PLSCR2: variants seen among roughly 807,000 people sequenced by gnomAD.
PLSCR2 encodes the protein PL scramblase 2.
Under a neutral mutation model 25.3 loss-of-function variants are expected in PLSCR2, and 18 were observed. That is an observed-to-expected ratio of 0.71 (90% CI 0.49 to 1.06). PLSCR2 has a LOEUF of 1.06. Ranked by LOEUF, PLSCR2 falls within the 50% of genes least tolerant of loss-of-function variation. PLSCR2 has a pLI of 0.00. For synonymous variants in PLSCR2, 88 were observed against 87.3 expected, an observed-to-expected ratio of 1.01 and a Z score of -0.04; for missense variants, 243 against 269.5, an observed-to-expected ratio of 0.90 and a Z score of 0.69.
At chr3:146,440,007 C>T (rs2040136689), downstream of PLSCR2, among the ~76,000 whole-genome samples, 1 of 152,164 alleles carries the variant, frequency 6.6e-6, no homozygotes, top group South Asian at 2.1e-4. Context: ...AGGACCTTTA[C>T]CTGCAGGTCT....
chr3:146,397,952 A>G (rs951510216), intron 2 of PLSCR2, among the ~76,000 whole-genome samples: 1 of 152,098 alleles, frequency 6.6e-6, no homozygotes, highest in Non-Finnish European at 1.5e-5. Context: ...ATGAATTGAC[A>G]TAATTCTAAG....
intron 1 of PLSCR2, among the ~76,000 whole-genome samples, chr3:146,473,489 A>G (rs1272360463): frequency 6.6e-6 from 1 of 152,052 alleles, no homozygotes; most frequent in Non-Finnish European, 1.5e-5. Flanking sequence ...TATTTTTAGT[A>G]GAGATGGGGT....
At chr3:146,440,091 A>G (rs1322056462), downstream of PLSCR2, among the ~76,000 whole-genome samples, 1 of 152,146 alleles carries the variant, frequency 6.6e-6, no homozygotes, top group African/African-American at 2.4e-5. Context: ...AGAACAGCAA[A>G]TATTGCAGAA....
intron 2 of PLSCR2, among the ~76,000 whole-genome samples, chr3:146,418,001 G>A (rs1226555525): frequency 6.6e-6 from 1 of 151,942 alleles, no homozygotes; most frequent in Non-Finnish European, 1.5e-5. Flanking sequence ...CTCTTTTCTA[G>A]TTTTACCTTC....
Position 146,457,781 on chromosome 3 carries a change from C to A in PLSCR2, c.100+630G>T, listed in dbSNP as rs775373973. On this transcript the variant is annotated intron_variant, in intron 3 of 6. Transcript: ENST00000610787. ...TAGAAGTCAGGTAAAGTGAGTGAATCCCTTAATGTTATTTGCAAAAGAGAG... is the reference window on the plus strand; with the variant it reads ...TAGAAGTCAGGTAAAGTGAGTGAATACCTTAATGTTATTTGCAAAAGAGAG... Among the ~76,000 whole-genome samples the A allele has an allele frequency of 3.9e-5, 6 of 152,290 alleles. 1 individual carries two copies. The highest frequency in any genetic ancestry group is 6.8e-3 in the Middle Eastern group (2 of 294).
chr3:146,486,349 A>C (rs559226569), intron 1 of PLSCR2, among the ~76,000 whole-genome samples: 1 of 151,660 alleles, frequency 6.6e-6, no homozygotes, highest in South Asian at 2.1e-4. Flanking sequence ...GAGACATGAA[A>C]AACCCTTCAA....
intron 5 of PLSCR2, among the ~76,000 whole-genome samples, chr3:146,450,276 C>T (rs2040818599): frequency 6.6e-6 from 1 of 152,212 alleles, no homozygotes; most frequent in Admixed American, 6.5e-5. Flanking sequence ...TCACATGTGT[C>T]AGCAACACCC....
At chr3:146,435,342 G>C in intron 8 of PLSCR2, among the ~76,000 whole-genome samples, 1 of 152,280 alleles carries the variant, frequency 6.6e-6, no homozygotes, top group Middle Eastern at 3.4e-3. Context: ...TTGAGGAATT[G>C]CCACACTGTC....
chr3:146,491,149 T>C (rs2043536953), intron 1 of PLSCR2, among the ~76,000 whole-genome samples: 2 of 152,278 alleles, frequency 1.3e-5, no homozygotes, highest in African/African-American at 4.8e-5. Flanking sequence ...GAATTTCTTT[T>C]CTTTAATAAT....
At chr3:146,413,474 G>C (rs2038918332) in intron 2 of PLSCR2, among the ~76,000 whole-genome samples, 1 of 151,958 alleles carries the variant, frequency 6.6e-6, no homozygotes, top group Non-Finnish European at 1.5e-5. Context: ...AACTAATCAT[G>C]CAGTTCCTTC....
intron 1 of PLSCR2, among the ~76,000 whole-genome samples, chr3:146,491,517 C>T (rs940860989): frequency 3.9e-5 from 6 of 152,004 alleles, no homozygotes; most frequent in African/African-American, 7.2e-5. Flanking sequence ...GTTCTGTTTA[C>T]GTAATCCCTT....
At chr3:146,431,979 G>A (rs1523333), downstream of PLSCR2, among the ~76,000 whole-genome samples, 1 of 151,626 alleles carries the variant, frequency 6.6e-6, no homozygotes, top group Non-Finnish European at 1.5e-5. Context: ...TCCCATTACT[G>A]ATGATGTTTA....
chr3:146,473,521 G>A (rs1447572286), intron 1 of PLSCR2, among the ~76,000 whole-genome samples: 2 of 151,800 alleles, frequency 1.3e-5, no homozygotes. Context: ...GGTCAGGCTG[G>A]TCTTGAACCC....
At chr3:146,483,863 T>A (rs1322180858) in intron 1 of PLSCR2, among the ~76,000 whole-genome samples, 1 of 151,686 alleles carries the variant, frequency 6.6e-6, no homozygotes, top group African/African-American at 2.4e-5. Flanking sequence ...AAAATGCAAA[T>A]GGCCAGAGTG....
At chr3:146,458,553 G>A (rs559301005) in intron 2 of PLSCR2, 100 bp from the exon 3 acceptor site, 48 of 773,186 alleles carry the variant, frequency 6.2e-5, no homozygotes, top group East Asian at 2.6e-4. Context: ...ATCAGTTATC[G>A]ACATTTATCA....
chr3:146,440,327 C>T (rs946521721), downstream of PLSCR2, among the ~76,000 whole-genome samples: 1 of 152,180 alleles, frequency 6.6e-6, no homozygotes, highest in African/African-American at 2.4e-5. Flanking sequence ...TTTAAGTCCA[C>T]AAAAGTTTCT....
intron 2 of PLSCR2, among the ~76,000 whole-genome samples, chr3:146,401,759 T>C (rs117417464): frequency 0.041 from 6,200 of 152,152 alleles, 174 homozygotes; most frequent in Admixed American, 0.086. Context: ...TGGATCCATT[T>C]ACTGCTAAAA....
intron 1 of PLSCR2, among the ~76,000 whole-genome samples, chr3:146,488,438 T>C (rs1398387981): frequency 1.3e-5 from 2 of 151,928 alleles, no homozygotes; most frequent in Non-Finnish European, 2.9e-5. Context: ...ATCTTACAAA[T>C]GTCTAATATC....
chr3:146,392,772 C>T (rs908295109), intron 3 of PLSCR2, among the ~76,000 whole-genome samples: 4 of 150,396 alleles, frequency 2.7e-5, no homozygotes, highest in South Asian at 2.1e-4. Flanking sequence ...GTCTAGAGTA[C>T]AAGTATGGGT....
Sources: allele counts gnomAD v4.1 joint callset (sites outside exome capture counted in the v4.1 genomes callset), GRCh38; gene constraint gnomAD v4.1.1; transcripts MANE v1.5; gene names NCBI Gene and HGNC (gene_info 2026-07-23, HGNC 2026-07-21).